JPH3: variants seen among roughly 807,000 people sequenced by gnomAD.
JPH3 encodes junctophilin-3.
Under a neutral mutation model 59.6 loss-of-function variants are expected in JPH3, and 11 were observed. The ratio of observed to expected loss-of-function variants is 0.18; its 90% CI spans 0.12 to 0.31. The LOEUF is 0.31. JPH3 is among the 10% of genes least tolerant of loss of function. The probability of loss-of-function intolerance (pLI) is 1.00; values close to 1 mark genes in which losing one functional copy is unlikely to be tolerated. For synonymous variants in JPH3, 673 were observed against 483.6 expected, an observed-to-expected ratio of 1.39 and a Z score of -5.14; for missense variants, 1,202 against 1,105.7, an observed-to-expected ratio of 1.09 and a Z score of -1.24.
intron 2 of JPH3, among the ~76,000 whole-genome samples, chr16:87,670,284 A>G (rs1488765751): frequency 6.6e-6 from 1 of 151,936 alleles, no homozygotes; most frequent in Non-Finnish European, 1.5e-5. Flanking sequence ...CCTGCAAACA[A>G]CCTTAGCCTC....
chr16:87,681,853 T>C (rs2033303691), intron 2 of JPH3, among the ~76,000 whole-genome samples: 1 of 152,182 alleles, frequency 6.6e-6, no homozygotes, highest in Admixed American at 6.5e-5. Context: ...TGGGATGCAG[T>C]GTCCTGGGTG....
At chr16:87,656,152 G>T (rs541046709) in intron 2 of JPH3, among the ~76,000 whole-genome samples, 1 of 152,210 alleles carries the variant, frequency 6.6e-6, no homozygotes, top group Non-Finnish European at 1.5e-5. Context: ...CCCTGAGGGC[G>T]TCTCTGCCCG....
intron 1 of JPH3, 89 bp from the exon 2 acceptor site, chr16:87,644,169 G>T: frequency 7.4e-7 from 1 of 1,348,708 alleles, no homozygotes. Flanking sequence ...AGCTCAGACA[G>T]GACTGTGGCT....
chr16:87,616,179 G>A (rs920337820), intron 1 of JPH3, among the ~76,000 whole-genome samples: 11 of 144,244 alleles, frequency 7.6e-5, no homozygotes, highest in East Asian at 4.5e-4. Flanking sequence ...GAACAGCAAC[G>A]CAATCTGGTT....
At chr16:87,642,540 T>G (rs59778786) in intron 1 of JPH3, among the ~76,000 whole-genome samples, 1 of 152,228 alleles carries the variant, frequency 6.6e-6, no homozygotes, top group Non-Finnish European at 1.5e-5. Flanking sequence ...TATCAGTAAG[T>G]CTCGGCCTCC....
At chr16:87,659,550 C>A (rs1005971964) in intron 2 of JPH3, among the ~76,000 whole-genome samples, 1 of 151,934 alleles carries the variant, frequency 6.6e-6, no homozygotes, top group South Asian at 2.1e-4. Context: ...TGGTGAAATT[C>A]CATCTCTACT....
intron 2 of JPH3, among the ~76,000 whole-genome samples, chr16:87,653,267 C>T (rs1597264482): frequency 6.6e-6 from 1 of 152,208 alleles, no homozygotes; most frequent in African/African-American, 2.4e-5. Context: ...TTTGTGTCTC[C>T]AGCACCTGCC....
Position 87,689,896 on chromosome 16 carries a change from C to T in JPH3, c.1536C>T (p.Gly512=), listed in dbSNP as rs770390129. 256 of 1,469,838 alleles carry T rather than the reference C, an allele frequency of 1.7e-4. No individual in the cohort carries two copies. The Middle Eastern group carries it at 5.7e-3, about 33-fold the overall frequency. 91.0% of individuals were successfully genotyped at this position (1,469,838 alleles called of 1,614,324 possible). Residue 512 remains glycine, a synonymous_variant, in exon 4 of 5, where the codon GGC becomes GGT. Coordinates refer to ENST00000284262, the MANE Select transcript of JPH3 (RefSeq NM_020655.4). ...AGGTGTCGGTGGACGAGGAGCGGGG[C>T]GGGGACATCCAGATGCTCCTGGAGG... is the stretch of plus-strand genomic sequence containing the variant. ...SRQVSVDEER[G]GDIQMLLEGR...
At chr16:87,662,128 C>A (rs1034798002) in intron 2 of JPH3, among the ~76,000 whole-genome samples, 2 of 152,222 alleles carry the variant, frequency 1.3e-5, no homozygotes, top group African/African-American at 4.8e-5. Flanking sequence ...AAGAGGGATC[C>A]GTAGGCCTCC....
intron 4 of JPH3, chr16:87,695,133 C>T (rs963455821): frequency 8.3e-6 from 3 of 360,922 alleles, no homozygotes; most frequent in Admixed American, 7.4e-5. Context: ...GGAGAGGAGC[C>T]AGCAGCAGCT....
chr16:87,696,262 G>A (rs1326252618), intron 4 of JPH3: 20 of 477,188 alleles, frequency 4.2e-5, no homozygotes, highest in Non-Finnish European at 7.4e-5. Context: ...TTGCTTGCAG[G>A]GAGGCCTGGG....
At chr16:87,610,088 G>A (rs1307141474) in intron 1 of JPH3, among the ~76,000 whole-genome samples, 2 of 152,214 alleles carry the variant, frequency 1.3e-5, no homozygotes, top group Non-Finnish European at 2.9e-5. Context: ...CCTGGCATGA[G>A]CAGTTTCCAG....
At chr16:87,629,959 A>G (rs906449071) in intron 1 of JPH3, among the ~76,000 whole-genome samples, 1 of 152,148 alleles carries the variant, frequency 6.6e-6, no homozygotes, top group African/African-American at 2.4e-5. Context: ...TTTTTCTCTA[A>G]AGCTAAAACT....
At chr16:87,672,103 T>C (rs1219280107) in intron 2 of JPH3, among the ~76,000 whole-genome samples, 1 of 151,870 alleles carries the variant, frequency 6.6e-6, no homozygotes, top group Non-Finnish European at 1.5e-5. Context: ...GTTCACCTGC[T>C]ATCCCCAGTG....
At chr16:87,625,391 G>A (rs1395793426) in intron 1 of JPH3, among the ~76,000 whole-genome samples, 1 of 152,144 alleles carries the variant, frequency 6.6e-6, no homozygotes, top group Non-Finnish European at 1.5e-5. Flanking sequence ...CCAGCCCCCA[G>A]CAGCTCGCAG....
intron 1 of JPH3, among the ~76,000 whole-genome samples, chr16:87,637,724 C>T (rs1388133625): frequency 1.3e-5 from 2 of 152,072 alleles, no homozygotes; most frequent in African/African-American, 4.8e-5. Flanking sequence ...CCTCGTGGTG[C>T]CCTGGGCGAA....
intron 1 of JPH3, among the ~76,000 whole-genome samples, chr16:87,634,059 A>G (rs2031651818): frequency 6.6e-6 from 1 of 152,150 alleles, no homozygotes; most frequent in South Asian, 2.1e-4. Context: ...CGTGCAATGA[A>G]TGGGGCTCCG....
chr16:87,645,834 C>T (rs2150846851), intron 2 of JPH3, among the ~76,000 whole-genome samples: 1 of 152,286 alleles, frequency 6.6e-6, no homozygotes. Context: ...CCACCTGCTG[C>T]AGGTTGGAGG....
chr16:87,606,064 C>G (rs1437194529), intron 1 of JPH3, among the ~76,000 whole-genome samples: 2 of 152,212 alleles, frequency 1.3e-5, no homozygotes, highest in Non-Finnish European at 2.9e-5. Flanking sequence ...GATTATGGCA[C>G]TGAGTGTCCC....
Sources: allele counts gnomAD v4.1 joint callset (sites outside exome capture counted in the v4.1 genomes callset), GRCh38; gene constraint gnomAD v4.1.1; transcripts MANE v1.5; gene names NCBI Gene and HGNC (gene_info 2026-07-23, HGNC 2026-07-21).